The following KLHDC1 variants were observed in gnomAD, a reference collection of about 807,000 sequenced individuals.
KLHDC1 encodes the protein kelch domain-containing protein 1.
Under a neutral mutation model 68.3 loss-of-function variants are expected in KLHDC1, and 53 were observed. The ratio of observed to expected loss-of-function variants is 0.78; its 90% CI spans 0.62 to 0.98. The LOEUF is 0.98. Among genes scored for constraint, KLHDC1 ranks in the 50% least tolerant of loss-of-function variants. The pLI is 0.00. For synonymous variants in KLHDC1, 148 were observed against 159.0 expected (o/e 0.93, Z 0.52); for missense variants, 470 against 492.3 (o/e 0.95, Z 0.43).
intron 8 of KLHDC1, 97 bp from the exon 9 acceptor site, chr14:49,732,607 C>T: frequency 2.3e-6 from 1 of 441,456 alleles, no homozygotes. Flanking sequence ...TTTTTTGGAG[C>T]AGTGAGGGCA....
At chr14:49,696,021 G>A (rs1344803679) in intron 1 of KLHDC1, among the ~76,000 whole-genome samples, 1 of 149,654 alleles carries the variant, frequency 6.7e-6, no homozygotes, top group Non-Finnish European at 1.5e-5. Flanking sequence ...AGCAGAGATC[G>A]CACCACTGCC....
chr14:49,741,532 C>T (rs1889066636), intron 11 of KLHDC1, among the ~76,000 whole-genome samples: 1 of 151,978 alleles, frequency 6.6e-6, no homozygotes, highest in Non-Finnish European at 1.5e-5. Flanking sequence ...GTCTTGAACT[C>T]CTGACCTCAA....
chr14:49,736,970 A>C (rs1566616668), intron 10 of KLHDC1, among the ~76,000 whole-genome samples: 1 of 152,268 alleles, frequency 6.6e-6, no homozygotes, highest in Non-Finnish European at 1.5e-5. Flanking sequence ...ATATGTAGCC[A>C]GATCTGATAG....
In KLHDC1 at chr14:49,720,131, C is replaced by T. The variant is rs1888489413; in HGVS notation, c.405-3743C>T. 2.0e-5 allele frequency among the ~76,000 whole-genome samples: 3 copies of T among 152,272 alleles called. No homozygotes were observed. In the South Asian group the frequency reaches 6.2e-4, roughly 32 times the overall value. Reference sequence around the variant, plus strand: ...CCTCCTGTGTAGCTGGGATTACAGGCATGCGCCACCAAACCCGGCTAATTT... The same window carrying T: ...CCTCCTGTGTAGCTGGGATTACAGGTATGCGCCACCAAACCCGGCTAATTT... On this transcript the variant is annotated intron_variant, in intron 4 of 12. Transcript: ENST00000359332.
In KLHDC1 at chr14:49,693,287, C is replaced by T; in HGVS notation, c.93C>T (p.Tyr31=). 1.9e-6 allele frequency: 3 copies of T among 1,543,566 alleles called. No homozygotes were observed. Among genetic ancestry groups the T allele is most frequent in the South Asian group, 1.2e-5 (1 of 83,542 alleles). ...ACTTCCTCTACGTGTGGGGGGGCTA[C>T]GTGGTAAGGGGAAGAGGCGGGACGG... ...DGNFLYVWGG[Y]VSIEDNEVYL... The change falls in exon 1 of 13, where the codon TAC becomes TAT. Residue 31 remains tyrosine (Y), a synonymous_variant. Transcript: ENST00000359332.
chr14:49,720,820 A>G (rs780994217), intron 4 of KLHDC1, among the ~76,000 whole-genome samples: 3 of 152,104 alleles, frequency 2.0e-5, no homozygotes, highest in Non-Finnish European at 4.4e-5. Flanking sequence ...CTTGTCTTCA[A>G]GTTTACTGAT....
chr14:49,706,833 G>C (rs910260307), intron 1 of KLHDC1, among the ~76,000 whole-genome samples: 4 of 152,100 alleles, frequency 2.6e-5, no homozygotes, highest in African/African-American at 9.7e-5. Flanking sequence ...TAGATTGTTA[G>C]ATTTTTTTCC....
intron 10 of KLHDC1, among the ~76,000 whole-genome samples, chr14:49,738,886 G>A (rs1026346165): frequency 5.3e-5 from 8 of 152,174 alleles, no homozygotes; most frequent in Non-Finnish European, 8.8e-5. Context: ...GTCACTGCAC[G>A]TGGAGTTGGA....
At chr14:49,727,630 C>T (rs1022203472) in intron 6 of KLHDC1, among the ~76,000 whole-genome samples, 7 of 152,064 alleles carry the variant, frequency 4.6e-5, no homozygotes, top group Admixed American at 6.6e-5. Flanking sequence ...CTATTCTCTT[C>T]TATATAGTAG....
Position 49,737,062 on chromosome 14 carries a change from C to T in KLHDC1, c.896+2401C>T, listed in dbSNP as rs1293843877. Among the ~76,000 whole-genome samples the T allele has an allele frequency of 2.6e-5, 4 of 152,248 alleles. No homozygotes were observed. In the East Asian group the frequency reaches 7.7e-4, roughly 29 times the overall value. On this transcript the variant is annotated intron_variant, in intron 10 of 12. Coordinates refer to ENST00000359332, the MANE Select transcript of KLHDC1 (RefSeq NM_172193.3). ...GAGAAAATATTAGTGTATAGAGCCC[C>T]AAGTACTGTTGGATCTCGTGAGTAT...
intron 8 of KLHDC1, 73 bp downstream of exon 8, chr14:49,729,621 G>T (rs1162585479): frequency 1.0e-6 from 1 of 972,344 alleles, no homozygotes; most frequent in Non-Finnish European, 1.6e-6. Context: ...TAATCCAAAT[G>T]TGAGTCTTTA....
At chr14:49,719,961 A>G (rs907473906) in intron 4 of KLHDC1, among the ~76,000 whole-genome samples, 4 of 148,398 alleles carry the variant, frequency 2.7e-5, no homozygotes, top group African/African-American at 7.4e-5. Context: ...AGCTAGGACT[A>G]CAAGTGCATG....
chr14:49,722,749 A>G (rs1226241852), intron 4 of KLHDC1, among the ~76,000 whole-genome samples: 1 of 151,962 alleles, frequency 6.6e-6, no homozygotes, highest in African/African-American at 2.4e-5. Flanking sequence ...TCACATGGCA[A>G]CAGATAAGAG....
At chr14:49,699,643 A>G (rs1040961823) in intron 1 of KLHDC1, among the ~76,000 whole-genome samples, 1 of 152,214 alleles carries the variant, frequency 6.6e-6, no homozygotes, top group African/African-American at 2.4e-5. Context: ...AAAATGGACA[A>G]ACATATGTTC....
rs560192370 is a variant in KLHDC1 at position 49,752,992 on chromosome 14, TAG to T, written c.*1226_*1227del. The T allele has an allele frequency of 3.5e-4, 53 of 152,190 alleles. No individual in the cohort carries two copies. The highest frequency in any genetic ancestry group is 1.1e-3 in the African/African-American group (46 of 41,574). 9.4% of individuals were successfully genotyped at this position (152,190 alleles called of 1,614,324 possible). On this transcript the variant is annotated 3_prime_UTR_variant, in exon 13 of 13. Transcript: ENST00000359332. ...TAGTTTGTAGTATTTCATTGAATTT[TAG>T]AGAGATATTTCATATATATGTACTG...
intron 8 of KLHDC1, 110 bp downstream of exon 8, chr14:49,729,658 A>C: frequency 1.5e-6 from 1 of 674,130 alleles, no homozygotes; most frequent in African/African-American, 1.8e-5. Flanking sequence ...TTTTTCCTTC[A>C]GATCGTATGT....
At chr14:49,735,666 T>G (rs191720318) in intron 10 of KLHDC1, among the ~76,000 whole-genome samples, 1 of 152,240 alleles carries the variant, frequency 6.6e-6, no homozygotes, top group African/African-American at 2.4e-5. Context: ...AGAGTTCTAG[T>G]CCTTGCTCAG....
At chr14:49,724,035 A>AT in intron 5 of KLHDC1, 83 bp downstream of exon 5, 2 of 748,204 alleles carry the variant, frequency 2.7e-6, no homozygotes, top group Non-Finnish European at 2.2e-6. Flanking sequence ...AGTCTTTCTC[A>AT]TTTTTGGAGC....
chr14:49,724,551 G>GTATA (rs146607278), intron 5 of KLHDC1, among the ~76,000 whole-genome samples: 11 of 149,648 alleles, frequency 7.4e-5, no homozygotes, highest in African/African-American at 2.7e-4. Flanking sequence ...ATATATATGT[G>GTATA]TATATATATA....
Sources: gnomAD v4.1 joint callset for allele counts (sites outside exome capture counted in the v4.1 genomes callset) on GRCh38, gnomAD v4.1.1 for gene constraint, MANE v1.5 for transcripts, NCBI Gene and HGNC (gene_info 2026-07-23, HGNC 2026-07-21) for gene names.